EPB41L3: variants seen among roughly 807,000 people sequenced by gnomAD.
EPB41L3 encodes band 4.1-like protein 3.
EPB41L3 carries 57 observed loss-of-function variants against 127.1 expected under a neutral mutation model. The observed-to-expected ratio is 0.45, with a 90% CI of 0.36 to 0.56. The LOEUF is 0.56. Among genes scored for constraint, EPB41L3 ranks in the 20% least tolerant of loss-of-function variants. The pLI is 0.00. For missense variants in EPB41L3, 1,273 were observed against 1,372.2 expected, an observed-to-expected ratio of 0.93 and a Z score of 1.14; for synonymous variants, 572 against 549.5, an observed-to-expected ratio of 1.04 and a Z score of -0.57.
In EPB41L3 at chr18:5,397,265, C is replaced by G; in HGVS notation, c.2634G>C (p.Gly878=). ...GDASYSAGDS[G]DAAAQPAFTG... ...TGAATGCGGGCTGTGCTGCAGCATC[C>G]CCGCTGTCTCCCGCCGAGTAAGAAG... The change falls in exon 18 of 23, where the codon GGG becomes GGC. Residue 878 remains glycine (G), a synonymous_variant. Transcript: ENST00000341928. This position sits in a 1 kb window ranked among gnomAD's most constrained non-coding sequence, Gnocchi z 4.1. The G allele has an allele frequency of 1.9e-6, 3 of 1,614,120 alleles. No homozygotes were observed.
chr18:5,417,886 T>C (rs1170374450), intron 12 of EPB41L3, among the ~76,000 whole-genome samples: 1 of 152,124 alleles, frequency 6.6e-6, no homozygotes, highest in Non-Finnish European at 1.5e-5. Flanking sequence ...TGAAGACAAC[T>C]GTCCTCCAGC....
At chr18:5,484,915 C>T (rs2089461852) in intron 2 of EPB41L3, among the ~76,000 whole-genome samples, 2 of 151,440 alleles carry the variant, frequency 1.3e-5, no homozygotes, top group African/African-American at 4.8e-5. Flanking sequence ...GTAAAGAAAA[C>T]TAATACTGAT....
intron 3 of EPB41L3, among the ~76,000 whole-genome samples, chr18:5,463,082 A>G (rs1056158433): frequency 7.2e-5 from 11 of 152,140 alleles, no homozygotes; most frequent in African/African-American, 2.7e-4. Flanking sequence ...CCTTTTCAGG[A>G]TAGTTCCTTA....
At position 5,600,333 on chromosome 18, in the gene EPB41L3, C is replaced by T. The variant is rs565076012; in HGVS notation, c.-306+12007G>A. On this transcript the variant is annotated intron_variant, in intron 3 of 21. Transcript: ENST00000545076. ...TACAACCTAAAATTATATTTGGACACATAAGAGATGTAATTTTGCCTTTTT... is the reference window on the plus strand; with the variant it reads ...TACAACCTAAAATTATATTTGGACATATAAGAGATGTAATTTTGCCTTTTT... Among the ~76,000 whole-genome samples the T allele has an allele frequency of 4.6e-5, 7 of 152,166 alleles. 1 individual carries two copies. In the South Asian group the frequency reaches 1.5e-3, roughly 32 times the overall value.
At chr18:5,572,901 A>G (rs2094298106) in intron 3 of EPB41L3, among the ~76,000 whole-genome samples, 1 of 152,112 alleles carries the variant, frequency 6.6e-6, no homozygotes. Flanking sequence ...ATCCAGGTGG[A>G]AAGAAGGACA....
chr18:5,491,388 G>A (rs533660220), intron 1 of EPB41L3, among the ~76,000 whole-genome samples: 1 of 152,280 alleles, frequency 6.6e-6, no homozygotes, highest in East Asian at 1.9e-4. Flanking sequence ...TCTATTTCCT[G>A]AGCAAATGAA....
At chr18:5,444,013 TC>T in intron 4 of EPB41L3, 133 bp from the exon 5 acceptor site, 1 of 686,674 alleles carries the variant, frequency 1.5e-6, no homozygotes, top group South Asian at 2.4e-5. Flanking sequence ...CTGTGGTCCT[TC>T]CCCCACATCT....
intron 1 of EPB41L3, among the ~76,000 whole-genome samples, chr18:5,505,407 C>T (rs1268847470): frequency 6.6e-6 from 1 of 152,066 alleles, no homozygotes; most frequent in African/African-American, 2.4e-5. Context: ...ATCTCATCAC[C>T]TCCACGCTTT....
intron 10 of EPB41L3, among the ~76,000 whole-genome samples, 195 bp downstream of exon 10, chr18:5,424,067 T>C (rs1041250049): frequency 1.3e-5 from 2 of 152,160 alleles, no homozygotes; most frequent in African/African-American, 4.8e-5. Flanking sequence ...GACATGTAAG[T>C]ACATGACAAA....
At chr18:5,516,541 C>T (rs28638418) in intron 1 of EPB41L3, among the ~76,000 whole-genome samples, 3,614 of 152,244 alleles carry the variant, frequency 0.024, 137 homozygotes, top group African/African-American at 0.082. Flanking sequence ...CTATCACGTC[C>T]GCTGAAGGCA....
At chr18:5,442,442 G>C (rs2080917570) in intron 5 of EPB41L3, among the ~76,000 whole-genome samples, 2 of 152,088 alleles carry the variant, frequency 1.3e-5, no homozygotes, top group Admixed American at 6.6e-5. Context: ...TTATACTTTT[G>C]TCTTTCTGGG....
At chr18:5,535,484 C>T (rs1435057774) in intron 1 of EPB41L3, among the ~76,000 whole-genome samples, 1 of 152,172 alleles carries the variant, frequency 6.6e-6, no homozygotes, top group Non-Finnish European at 1.5e-5. Context: ...CTGAGTAGCA[C>T]AAAATGGTAT....
At chr18:5,540,011 C>A (rs2093676620) in intron 1 of EPB41L3, among the ~76,000 whole-genome samples, 1 of 152,172 alleles carries the variant, frequency 6.6e-6, no homozygotes, top group Admixed American at 6.5e-5. Flanking sequence ...AAGTAAATTG[C>A]ATCTTTAGAG....
chr18:5,403,788 A>G (rs911829529), intron 16 of EPB41L3, among the ~76,000 whole-genome samples: 1 of 152,148 alleles, frequency 6.6e-6, no homozygotes, highest in Non-Finnish European at 1.5e-5. Context: ...GTTTAATTGA[A>G]GTAGGCTTTA....
chr18:5,614,720 ACT>A (rs1429751405), intron 1 of EPB41L3, among the ~76,000 whole-genome samples: 4 of 152,160 alleles, frequency 2.6e-5, no homozygotes, highest in East Asian at 3.9e-4. Context: ...GAGGCAGGAA[ACT>A]CTGGAGTTAA....
chr18:5,477,570 C>T (rs572161457), intron 3 of EPB41L3, among the ~76,000 whole-genome samples: 1 of 152,318 alleles, frequency 6.6e-6, no homozygotes, highest in East Asian at 1.9e-4. Context: ...GTGAATCCTC[C>T]CTGATACTCA....
Position 5,397,314 on chromosome 18 carries a change from C to G in EPB41L3, c.2585G>C (p.Arg862Pro). The G allele has an allele frequency of 6.2e-7, 1 of 1,614,046 alleles. No homozygotes were observed. The highest frequency in any genetic ancestry group is 8.5e-7 in the Non-Finnish European group (1 of 1,180,046). The change falls in exon 18 of 23, where the codon CGT becomes CCT. Residue 862 changes from arginine (R) to proline (P), a missense_variant. Transcript: ENST00000341928. This position sits in a 1 kb window ranked among gnomAD's most constrained non-coding sequence, Gnocchi z 4.1. ...AGCATCCCCACTCGCGTGCACCACACGCCGCTCCTCCACCAACACGGTCTC... is the reference window on the plus strand; with the variant it reads ...AGCATCCCCACTCGCGTGCACCACAGGCCGCTCCTCCACCAACACGGTCTC... Reference protein sequence around the residue: ...VQETVLVEERRVVHASGDASY... With the variant: ...VQETVLVEERPVVHASGDASY...
At chr18:5,470,188 G>A (rs2085856823) in intron 3 of EPB41L3, among the ~76,000 whole-genome samples, 1 of 152,154 alleles carries the variant, frequency 6.6e-6, no homozygotes, top group Admixed American at 6.5e-5. Context: ...GCTTCCCTGT[G>A]CCTATTTCCT....
At chr18:5,569,012 C>A (rs1340590849) in intron 3 of EPB41L3, among the ~76,000 whole-genome samples, 1 of 152,176 alleles carries the variant, frequency 6.6e-6, no homozygotes, top group Non-Finnish European at 1.5e-5. Context: ...TATAATCTTA[C>A]AAAATTCCTC....
Sources: gnomAD v4.1 joint callset for allele counts (sites outside exome capture counted in the v4.1 genomes callset) on GRCh38, gnomAD v4.1.1 for gene constraint, Gnocchi (gnomAD v3.1) non-coding constraint, MANE v1.5 for transcripts, NCBI Gene and HGNC (gene_info 2026-07-23, HGNC 2026-07-21) for gene names.